CREB1: variants seen among roughly 807,000 people sequenced by gnomAD.
CREB1 encodes the protein cyclic AMP-responsive element-binding protein 1.
A neutral mutation model predicts 42.0 loss-of-function variants in CREB1; 2 were observed. That is an observed-to-expected ratio of 0.05 (90% CI 0.02 to 0.15). The LOEUF is 0.15. Ranked by LOEUF, CREB1 falls within the 10% of genes least tolerant of loss-of-function variation. The pLI is 1.00. For missense variants in CREB1, 199 were observed against 388.9 expected (o/e 0.51, Z 4.11); for synonymous variants, 123 against 139.9 (o/e 0.88, Z 0.85).
At chr2:207,540,082 T>G (rs2081033793) in intron 1 of CREB1, among the ~76,000 whole-genome samples, 1 of 152,180 alleles carries the variant, frequency 6.6e-6, no homozygotes, top group African/African-American at 2.4e-5. Context: ...ATGCACTGTA[T>G]AAGAACGTTT....
chr2:207,532,637 C>T (rs2106325207), intron 1 of CREB1, among the ~76,000 whole-genome samples: 1 of 151,824 alleles, frequency 6.6e-6, no homozygotes, highest in South Asian at 2.1e-4. Context: ...CGCGCCACTG[C>T]CCTCCAGCCT....
At chr2:207,532,639 C>T (rs906694233) in intron 1 of CREB1, among the ~76,000 whole-genome samples, 5 of 151,596 alleles carry the variant, frequency 3.3e-5, no homozygotes, top group Admixed American at 1.3e-4. Flanking sequence ...CGCCACTGCC[C>T]TCCAGCCTGG....
At chr2:207,565,333 ACTTCT>A (rs1488941327) in intron 3 of CREB1, among the ~76,000 whole-genome samples, 1 of 152,192 alleles carries the variant, frequency 6.6e-6, no homozygotes, top group Non-Finnish European at 1.5e-5. Flanking sequence ...TTCATGGCTT[ACTTCT>A]CTTCAGATGG....
intron 6 of CREB1, among the ~76,000 whole-genome samples, chr2:207,575,934 T>TCCC (rs67598600): frequency 4.9e-4 from 7 of 14,200 alleles, no homozygotes; most frequent in South Asian, 0.013. Flanking sequence ...TTTCTCTGCT[T>TCCC]CCCCCCCCCC....
intron 5 of CREB1, among the ~76,000 whole-genome samples, chr2:207,571,206 A>C (rs2082350509): frequency 6.6e-6 from 1 of 152,066 alleles, no homozygotes; most frequent in South Asian, 2.1e-4. Context: ...AATCTGTATC[A>C]GAAATATGCA....
At chr2:207,541,168 G>A (rs11883511) in intron 1 of CREB1, among the ~76,000 whole-genome samples, 49,218 of 151,758 alleles carry the variant, frequency 0.32, 8,257 homozygotes, top group South Asian at 0.5. Context: ...GCAGTGAGCC[G>A]AGATCGTGCC....
chr2:207,550,876 G>A (rs147865937), intron 1 of CREB1, among the ~76,000 whole-genome samples: 16 of 152,224 alleles, frequency 1.1e-4, no homozygotes, highest in African/African-American at 2.2e-4. Context: ...TTTTCTACAC[G>A]CTTCCCATCA....
rs143340162 is a variant in CREB1 at position 207,599,215 on chromosome 2, G to A, written c.*2157G>A. On this transcript the variant is annotated 3_prime_UTR_variant, in exon 8 of 8. Transcript: ENST00000353267. ...GATGTTTGTCCTGCTGAGCTAATGG[G>A]GAAAGTTATAGCATAAAAATTGTGT... 1 of 196,634 alleles carries A rather than the reference G, an allele frequency of 5.1e-6. No individual in the cohort carries two copies. Among genetic ancestry groups the A allele is most frequent in the East Asian group, 8.0e-5 (1 of 12,444 alleles). 12.2% of individuals were successfully genotyped at this position (196,634 alleles called of 1,614,324 possible).
chr2:207,576,681 C>T, intron 6 of CREB1: 1 of 1,287,026 alleles, frequency 7.8e-7, no homozygotes. Flanking sequence ...TTCTGAACGT[C>T]AGTTTGAAGA....
chr2:207,605,427 A>T lies in CREB1; in HGVS notation c.*8369A>T, dbSNP rs1482638671. Among the ~76,000 whole-genome samples, 4 of 152,076 alleles carry T rather than the reference A, an allele frequency of 2.6e-5. No individual in the cohort carries two copies. Among genetic ancestry groups the T allele is most frequent in the Non-Finnish European group, 4.4e-5 (3 of 68,018 alleles). On this transcript the variant is annotated 3_prime_UTR_variant, in exon 8 of 8. Transcript: ENST00000353267. ...TTGTTGGGTTCTGAGTTCCTTATAT[A>T]TTCTGGGTACTAGGCCCTTATAATA...
At chr2:207,582,895 AAAC>A (rs1367720205) in intron 7 of CREB1, 4 of 255,302 alleles carry the variant, frequency 1.6e-5, no homozygotes, top group South Asian at 4.0e-5. Context: ...TGTCTCAAAA[AAAC>A]AAACAAACAA....
chr2:207,540,115 A>G (rs1160922460), intron 1 of CREB1, among the ~76,000 whole-genome samples: 1 of 152,180 alleles, frequency 6.6e-6, no homozygotes, highest in Non-Finnish European at 1.5e-5. Flanking sequence ...GATTGCATAT[A>G]CAACAGTGGT....
intron 1 of CREB1, among the ~76,000 whole-genome samples, chr2:207,543,728 G>A (rs1478779480): frequency 4.6e-5 from 7 of 151,790 alleles, no homozygotes; most frequent in East Asian, 3.9e-4. Context: ...TCAGCCTACC[G>A]AGTAACTGGG....
chr2:207,587,354 C>T (rs1308320947), intron 7 of CREB1, among the ~76,000 whole-genome samples: 1 of 150,900 alleles, frequency 6.6e-6, no homozygotes, highest in Non-Finnish European at 1.5e-5. Context: ...GATCGCACCA[C>T]CGCACTACAG....
At chr2:207,576,691 A>G (rs1237060836) in intron 6 of CREB1, 2 of 1,281,316 alleles carry the variant, frequency 1.6e-6, no homozygotes, top group African/African-American at 3.0e-5. Flanking sequence ...CAGTTTGAAG[A>G]TGGTAACATG....
At chr2:207,543,370 A>T (rs2081171802) in intron 1 of CREB1, among the ~76,000 whole-genome samples, 1 of 152,202 alleles carries the variant, frequency 6.6e-6, no homozygotes, top group Admixed American at 6.5e-5. Context: ...GTAGTTTATA[A>T]CTTATAAACT....
At chr2:207,539,840 A>T (rs754407457) in intron 1 of CREB1, among the ~76,000 whole-genome samples, 23 of 152,210 alleles carry the variant, frequency 1.5e-4, no homozygotes, top group Non-Finnish European at 2.4e-4. Context: ...AGTGGAATGG[A>T]CAAAAAAATG....
chr2:207,587,022 T>A (rs1250991006), intron 7 of CREB1, among the ~76,000 whole-genome samples: 1 of 152,168 alleles, frequency 6.6e-6, no homozygotes, highest in Non-Finnish European at 1.5e-5. Flanking sequence ...TCTAACTCTT[T>A]GTGTTAGAAT....
chr2:207,589,175 A>G (rs1212689371), intron 7 of CREB1, among the ~76,000 whole-genome samples: 4 of 152,194 alleles, frequency 2.6e-5, no homozygotes, highest in African/African-American at 9.7e-5. Flanking sequence ...CTATAAGATC[A>G]GAGGCCTTCA....
Sources: gnomAD v4.1 joint callset for allele counts (sites outside exome capture counted in the v4.1 genomes callset) on GRCh38, gnomAD v4.1.1 for gene constraint, MANE v1.5 for transcripts, NCBI Gene and HGNC (gene_info 2026-07-23, HGNC 2026-07-21) for gene names.